Variants in CDH18 observed in about 807,000 individuals in gnomAD.
CDH18 encodes the protein cadherin-18.
A neutral mutation model predicts 67.9 loss-of-function variants in CDH18; 31 were observed. The ratio of observed to expected loss-of-function variants is 0.46; its 90% CI spans 0.34 to 0.62. The LOEUF is 0.62. Ranked by LOEUF, CDH18 falls within the 20% of genes least tolerant of loss-of-function variation. The probability of loss-of-function intolerance (pLI) is 0.01; values close to 1 mark genes in which losing one functional copy is unlikely to be tolerated. For synonymous variants in CDH18, 362 were observed against 347.2 expected, an observed-to-expected ratio of 1.04 and a Z score of -0.48; for missense variants, 890 against 975.5, an observed-to-expected ratio of 0.91 and a Z score of 1.17.
At chr5:20,413,099 A>G (rs1265049500) in intron 1 of CDH18, among the ~76,000 whole-genome samples, 1 of 152,170 alleles carries the variant, frequency 6.6e-6, no homozygotes, top group Non-Finnish European at 1.5e-5. Context: ...GCTCAGAATG[A>G]TGGTTTCCAG....
At chr5:20,211,775 T>C (rs1171137560) in intron 2 of CDH18, among the ~76,000 whole-genome samples, 2 of 151,896 alleles carry the variant, frequency 1.3e-5, no homozygotes, top group African/African-American at 4.8e-5. Context: ...CAAAGACCAT[T>C]GGTCACCATC....
chr5:19,620,902 A>G (rs1435263909), intron 5 of CDH18, among the ~76,000 whole-genome samples: 1 of 152,126 alleles, frequency 6.6e-6, no homozygotes, highest in Non-Finnish European at 1.5e-5. Context: ...GAATTTACTA[A>G]CAAATTTAGA....
At chr5:20,008,388 C>A (rs1353371369) in intron 2 of CDH18, among the ~76,000 whole-genome samples, 1 of 152,102 alleles carries the variant, frequency 6.6e-6, no homozygotes, top group Non-Finnish European at 1.5e-5. Context: ...TTCCACTATT[C>A]TGTCAGCAGA....
At chr5:20,253,189 G>A (rs986426591) in intron 2 of CDH18, among the ~76,000 whole-genome samples, 8 of 152,060 alleles carry the variant, frequency 5.3e-5, no homozygotes, top group African/African-American at 1.9e-4. Context: ...CTACGCACAA[G>A]AATTCACTGG....
At chr5:20,146,584 A>G (rs1750661427) in intron 2 of CDH18, among the ~76,000 whole-genome samples, 1 of 150,558 alleles carries the variant, frequency 6.6e-6, no homozygotes, top group Non-Finnish European at 1.5e-5. Flanking sequence ...TTTATAGTGT[A>G]TGGCAAATCA....
intron 2 of CDH18, among the ~76,000 whole-genome samples, chr5:19,951,295 A>C (rs1043052425): frequency 5.3e-5 from 8 of 152,188 alleles, no homozygotes; most frequent in African/African-American, 1.7e-4. Flanking sequence ...TGGCATACTA[A>C]AACTTCATTT....
At chr5:20,461,369 C>G (rs892728753) in intron 1 of CDH18, among the ~76,000 whole-genome samples, 2 of 152,128 alleles carry the variant, frequency 1.3e-5, no homozygotes, top group African/African-American at 4.8e-5. Context: ...TAGACATCTT[C>G]TTCAACTACA....
intron 1 of CDH18, among the ~76,000 whole-genome samples, chr5:20,345,967 C>T (rs1229095682): frequency 2.0e-5 from 3 of 152,198 alleles, no homozygotes; most frequent in African/African-American, 7.2e-5. Context: ...CAATTACCAT[C>T]AGGAGTACCT....
chr5:19,861,537 T>C (rs1581688144), intron 2 of CDH18, among the ~76,000 whole-genome samples: 1 of 152,262 alleles, frequency 6.6e-6, no homozygotes, highest in South Asian at 2.1e-4. Context: ...TAGGAAGTCT[T>C]TGGATTTTTG....
At chr5:20,090,311 C>T (rs188208358) in intron 2 of CDH18, among the ~76,000 whole-genome samples, 7 of 151,990 alleles carry the variant, frequency 4.6e-5, no homozygotes, top group Non-Finnish European at 2.9e-5. Flanking sequence ...CCAAGGTGGG[C>T]GAATCACCGG....
chr5:19,990,136 G>A (rs1799899867), upstream of CDH18, among the ~76,000 whole-genome samples: 1 of 152,074 alleles, frequency 6.6e-6, no homozygotes, highest in Admixed American at 6.5e-5. Context: ...CTATGTTGAT[G>A]AAGCCCTGAG....
intron 12 of CDH18, among the ~76,000 whole-genome samples, chr5:19,475,217 CAT>C (rs1467330325): frequency 8.6e-5 from 13 of 151,214 alleles, no homozygotes; most frequent in South Asian, 2.1e-4. Flanking sequence ...CACACACACA[CAT>C]GCTTCTCAAC....
At chr5:19,553,165 A>AT (rs1234055958) in intron 8 of CDH18, among the ~76,000 whole-genome samples, 1 of 152,142 alleles carries the variant, frequency 6.6e-6, no homozygotes, top group East Asian at 1.9e-4. Flanking sequence ...CTTCCCTTTG[A>AT]TTAGGTATAC....
At chr5:20,056,335 T>C (rs1373410423) in intron 2 of CDH18, among the ~76,000 whole-genome samples, 1 of 148,032 alleles carries the variant, frequency 6.8e-6, no homozygotes, top group Non-Finnish European at 1.5e-5. Flanking sequence ...GTTCCACATT[T>C]TCAAAAAAAA....
intron 1 of CDH18, among the ~76,000 whole-genome samples, chr5:20,400,932 C>T (rs1745713618): frequency 1.3e-5 from 2 of 152,194 alleles, no homozygotes; most frequent in African/African-American, 2.4e-5. Context: ...TCTTTTCATT[C>T]ATAGTGCCCA....
chr5:20,491,030 G>A (rs1753554064), intron 1 of CDH18, among the ~76,000 whole-genome samples: 1 of 151,828 alleles, frequency 6.6e-6, no homozygotes, highest in Non-Finnish European at 1.5e-5. Flanking sequence ...TTATTTTCAT[G>A]GAACAATTAT....
At chr5:19,661,692 A>G (rs567648264) in intron 5 of CDH18, among the ~76,000 whole-genome samples, 65 of 152,080 alleles carry the variant, frequency 4.3e-4, no homozygotes, top group Non-Finnish European at 7.2e-4. Flanking sequence ...GGTTTTGAGG[A>G]CAAGGATCTT....
intron 1 of CDH18, among the ~76,000 whole-genome samples, chr5:20,491,129 C>A (rs1753558905): frequency 6.6e-6 from 1 of 151,700 alleles, no homozygotes; most frequent in Non-Finnish European, 1.5e-5. Flanking sequence ...TAGCATCCTA[C>A]AAAGAATTAA....
At chr5:20,115,758 A>G (rs1353225597) in intron 2 of CDH18, among the ~76,000 whole-genome samples, 2 of 152,182 alleles carry the variant, frequency 1.3e-5, no homozygotes, top group African/African-American at 4.8e-5. Context: ...GTATACTCCC[A>G]TCAGCCTCCA....
Sources: gnomAD v4.1 joint callset for allele counts (sites outside exome capture counted in the v4.1 genomes callset) on GRCh38, gnomAD v4.1.1 for gene constraint, MANE v1.5 for transcripts, NCBI Gene and HGNC (gene_info 2026-07-23, HGNC 2026-07-21) for gene names.